PI4KA: variants seen among roughly 807,000 people sequenced by gnomAD.
The protein encoded by PI4KA is phosphatidylinositol 4-kinase alpha.
A neutral mutation model predicts 271.4 loss-of-function variants in PI4KA; 122 were observed. The observed-to-expected ratio is 0.45, with a 90% CI of 0.39 to 0.52. PI4KA has a LOEUF of 0.52. Ranked by LOEUF, PI4KA falls within the 20% of genes least tolerant of loss-of-function variation. PI4KA has a pLI of 0.00. For missense variants in PI4KA, 1,969 were observed against 2,769.1 expected (o/e 0.71, Z 6.48); for synonymous variants, 1,041 against 1,078.8 (o/e 0.96, Z 0.69).
intron 40 of PI4KA, 94 bp from the exon 41 acceptor site, chr22:20,727,491 G>A (rs1233184752): frequency 1.7e-6 from 2 of 1,208,518 alleles, no homozygotes; most frequent in African/African-American, 1.5e-5. Context: ...GCCATGAGAA[G>A]TGATGTTTCT....
At chr22:20,723,568 C>T (rs8137715) in intron 42 of PI4KA, among the ~76,000 whole-genome samples, 56,716 of 150,186 alleles carry the variant, frequency 0.38, 10,801 homozygotes, top group Middle Eastern at 0.46. Flanking sequence ...TGGTGGCTCA[C>T]GCCCGTAATC....
intron 1 of PI4KA, among the ~76,000 whole-genome samples, chr22:20,842,042 C>T (rs1419576001): frequency 6.6e-6 from 1 of 151,804 alleles, no homozygotes; most frequent in East Asian, 1.9e-4. Context: ...ATTGTGAAAC[C>T]CCATCTCTAC....
intron 3 of PI4KA, among the ~76,000 whole-genome samples, chr22:20,825,345 A>C (rs1398788662): frequency 2.0e-5 from 3 of 152,108 alleles, no homozygotes; most frequent in African/African-American, 7.2e-5. Flanking sequence ...CTATAGTCCT[A>C]GCACTTTAGG....
intron 36 of PI4KA, 97 bp from the exon 37 acceptor site, chr22:20,730,108 G>A (rs1446511346): frequency 7.4e-7 from 1 of 1,356,276 alleles, no homozygotes; most frequent in Admixed American, 2.1e-5. Flanking sequence ...AGCAATTAGT[G>A]GCAGAGCAGG....
chr22:20,833,743 TCTG>T (rs1410068582), intron 3 of PI4KA, among the ~76,000 whole-genome samples: 2 of 142,852 alleles, frequency 1.4e-5, no homozygotes, highest in Non-Finnish European at 3.0e-5. Context: ...CACTGCAACC[TCTG>T]CCTCCTGGGT....
intron 4 of PI4KA, among the ~76,000 whole-genome samples, chr22:20,821,802 T>C (rs1218681846): frequency 1.3e-5 from 2 of 151,910 alleles, no homozygotes; most frequent in Non-Finnish European, 2.9e-5. Flanking sequence ...TGTTGGTTAG[T>C]CTGGTCTCAA....
chr22:20,803,922 G>A (rs1294913177), intron 12 of PI4KA, among the ~76,000 whole-genome samples: 1 of 152,236 alleles, frequency 6.6e-6, no homozygotes, highest in Non-Finnish European at 1.5e-5. Flanking sequence ...GAGTCAGTGG[G>A]ATTGTGACAA....
intron 19 of PI4KA, among the ~76,000 whole-genome samples, chr22:20,772,563 C>A (rs1221645047): frequency 6.6e-6 from 1 of 152,162 alleles, no homozygotes; most frequent in Non-Finnish European, 1.5e-5. Flanking sequence ...ACACAATGGA[C>A]CTTTACACTC....
At chr22:20,803,775 C>T (rs1034907750) in intron 12 of PI4KA, among the ~76,000 whole-genome samples, 27 of 152,180 alleles carry the variant, frequency 1.8e-4, no homozygotes, top group African/African-American at 6.0e-4. Context: ...ACCTCTGCCT[C>T]CCAAAGTATC....
At chr22:20,758,625 T>C (rs1307459443) in intron 23 of PI4KA, among the ~76,000 whole-genome samples, 2 of 152,046 alleles carry the variant, frequency 1.3e-5, no homozygotes, top group Admixed American at 6.6e-5. Flanking sequence ...CATGGACAAA[T>C]GCAAGGTGGA....
At chr22:20,714,418 A>G (rs948399470) in intron 47 of PI4KA, 40 bp downstream of exon 47, 30 of 1,562,808 alleles carry the variant, frequency 1.9e-5, no homozygotes, top group Non-Finnish European at 2.6e-5. Flanking sequence ...AGCAAGGAAA[A>G]GCACTGAGCT....
Position 20,764,868 on chromosome 22 carries a change from T to A in PI4KA, c.2657A>T (p.Asp886Val). 6.2e-7 allele frequency: 1 copy of A among 1,613,598 alleles called. No homozygotes were observed. Among genetic ancestry groups the A allele is most frequent in the South Asian group, 1.1e-5 (1 of 90,936 alleles). Residue 886 changes from aspartate (D) to valine (V), a missense_variant, in exon 22 of 55, where the codon GAC becomes GTC. By Grantham distance (152) the Asp-to-Val change is radical. Coordinates refer to ENST00000255882, the MANE Select transcript of PI4KA (RefSeq NM_058004.4). ...PEVSALINKL[D>V]FAMSTYLLSV... ...GAGGAGGTAGGTGGACATGGCGAAG[T>A]CCAGCTTGTTGATGAGTGCGGACAC...
chr22:20,733,683 T>G, intron 35 of PI4KA, 53 bp downstream of exon 35: 2 of 1,613,642 alleles, frequency 1.2e-6, no homozygotes, highest in Non-Finnish European at 1.7e-6. Flanking sequence ...GATGGAGCAC[T>G]TGGAGGGGCT....
At chr22:20,845,560 A>AAT (rs768846589) in intron 1 of PI4KA, among the ~76,000 whole-genome samples, 2 of 152,358 alleles carry the variant, frequency 1.3e-5, no homozygotes, top group South Asian at 4.1e-4. Context: ...TCAGACAAAA[A>AAT]ATATTGAATA....
At chr22:20,794,621 T>C (rs1316367605) in intron 18 of PI4KA, among the ~76,000 whole-genome samples, 1 of 152,150 alleles carries the variant, frequency 6.6e-6, no homozygotes, top group Non-Finnish European at 1.5e-5. Context: ...GACTCCTTCA[T>C]GCAGTTGTCA....
intron 9 of PI4KA, among the ~76,000 whole-genome samples, chr22:20,809,175 G>A: frequency 6.6e-6 from 1 of 152,184 alleles, no homozygotes; most frequent in East Asian, 1.9e-4. Context: ...CAACACGAGT[G>A]TTAAACTTTG....
chr22:20,748,202 A>G (rs2241138), intron 28 of PI4KA, among the ~76,000 whole-genome samples: 73,983 of 152,184 alleles, frequency 0.49, 18,502 homozygotes, highest in African/African-American at 0.58. Context: ...GACTGAGGAC[A>G]AGGCCAATTC....
chr22:20,839,545 T>G (rs1039399858), intron 1 of PI4KA, among the ~76,000 whole-genome samples: 4 of 152,014 alleles, frequency 2.6e-5, no homozygotes, highest in African/African-American at 7.2e-5. Flanking sequence ...AAAAATCAAA[T>G]GCATGGCCAG....
chr22:20,787,077 C>G (rs758899698), intron 19 of PI4KA: 5 of 1,613,278 alleles, frequency 3.1e-6, no homozygotes, highest in Middle Eastern at 3.3e-4. Context: ...AGGTGGAGGT[C>G]TAGGTGTCTG....
Sources: gnomAD v4.1 joint callset for allele counts (sites outside exome capture counted in the v4.1 genomes callset) on GRCh38, gnomAD v4.1.1 for gene constraint, MANE v1.5 for transcripts, NCBI Gene and HGNC (gene_info 2026-07-23, HGNC 2026-07-21) for gene names.